Variants in KDELR3 observed in about 807,000 individuals in gnomAD.
KDELR3 encodes the protein KDEL endoplasmic reticulum protein retention receptor 3.
A neutral mutation model predicts 22.7 loss-of-function variants in KDELR3; 26 were observed. That is an observed-to-expected ratio of 1.15 (90% CI 0.84 to 1.59). The LOEUF is 1.59. Among genes scored for constraint, KDELR3 ranks in the 40% most tolerant of loss-of-function variants. The pLI is 0.00. For missense variants in KDELR3, 289 were observed against 251.1 expected (o/e 1.15, Z -1.02); for synonymous variants, 120 against 98.2 (o/e 1.22, Z -1.31).
intron 1 of KDELR3, among the ~76,000 whole-genome samples, chr22:38,469,256 G>A (rs911164180): frequency 1.3e-5 from 2 of 152,228 alleles, no homozygotes; most frequent in Non-Finnish European, 2.9e-5. Flanking sequence ...GGGAAGGGTG[G>A]GCAGCCAGAT....
At chr22:38,474,424 A>G in intron 1 of KDELR3, 99 bp from the exon 2 acceptor site, 1 of 876,724 alleles carries the variant, frequency 1.1e-6, no homozygotes, top group Non-Finnish European at 1.8e-6. Flanking sequence ...GGGAGTGGAC[A>G]CTCTAGAGGC....
At chr22:38,475,585 C>T (rs2089552340) in intron 2 of KDELR3, among the ~76,000 whole-genome samples, 1 of 152,224 alleles carries the variant, frequency 6.6e-6, no homozygotes, top group Non-Finnish European at 1.5e-5. Flanking sequence ...AGCTTAGTGA[C>T]AACAAGGAAC....
At position 38,479,739 on chromosome 22, in the gene KDELR3, C is replaced by T. The variant is rs1254363795; in HGVS notation, c.339C>T (p.Phe113=). Residue 113 remains phenylalanine (F), a synonymous_variant, in exon 3 of 5, where the codon TTC becomes TTT. Coordinates refer to ENST00000216014, the MANE Select transcript of KDELR3 (RefSeq NM_006855.4). The stretch of plus-strand genomic sequence containing the variant: ...TTTCCTTCCTTGAAAACTACAGTTT[C>T]ACTCTGCTGGAGGTAAGGGAATGGA... ...IGLSFLENYS[F]TLLEILWTFS... is the part of the protein sequence containing the mutation. 2 of 1,614,190 alleles carry T rather than the reference C, an allele frequency of 1.2e-6. No homozygotes were observed. Among genetic ancestry groups the T allele is most frequent in the Non-Finnish European group, 1.7e-6 (2 of 1,180,028 alleles).
rs780968105 is a variant in KDELR3 at position 38,474,576 on chromosome 22, C to G, written c.145C>G (p.Leu49Val). ...TGCTCTCGTCTTCACCACCAGGTACCTGGACCTGTTCACCAACTTCATCTC... is the reference window on the plus strand; with the variant it reads ...TGCTCTCGTCTTCACCACCAGGTACGTGGACCTGTTCACCAACTTCATCTC... ...LFALVFTTRY[L>V]DLFTNFISIY... Residue 49 changes from leucine (L) to valine (V), a missense_variant, in exon 2 of 5, where the codon CTG (leucine) becomes GTG (valine). Coordinates refer to ENST00000216014, the MANE Select transcript of KDELR3 (RefSeq NM_006855.4). 3.7e-6 allele frequency: 6 copies of G among 1,613,946 alleles called. No homozygotes were observed. The African/African-American group carries it at 8.0e-5, about 22-fold the overall frequency.
intron 3 of KDELR3, 84 bp downstream of exon 3, chr22:38,479,835 C>T: frequency 7.9e-7 from 1 of 1,270,574 alleles, no homozygotes; most frequent in Non-Finnish European, 1.1e-6. Context: ...TTGCCTTCTG[C>T]TTACAACTGT....
chr22:38,468,379 C>G, intron 1 of KDELR3, 55 bp downstream of exon 1: 1 of 1,549,404 alleles, frequency 6.5e-7, no homozygotes, highest in South Asian at 1.1e-5. Context: ...AGCCTCATGC[C>G]CCTGCGTGCA....
chr22:38,481,204 T>C lies in KDELR3; in HGVS notation c.352-8T>C, dbSNP rs781049581. On this transcript the variant is annotated splice_polypyrimidine_tract_variant and splice_region_variant and intron_variant, in intron 3 of 4. Transcript: ENST00000216014. ...GCTCAGTCTCTGGTTGCTTTCTCTT[T>C]GGCTCAGATCCTCTGGACTTTCTCT... 6.2e-7 allele frequency: 1 copy of C among 1,609,344 alleles called. No individual in the cohort carries two copies. The highest frequency in any genetic ancestry group is 1.1e-5 in the South Asian group (1 of 90,562).
At chr22:38,478,593 A>T (rs1193595817) in intron 2 of KDELR3, among the ~76,000 whole-genome samples, 1 of 139,570 alleles carries the variant, frequency 7.2e-6, no homozygotes, top group African/African-American at 2.6e-5. Flanking sequence ...TATGAAATCA[A>T]AAGCTCTTGG....
chr22:38,480,701 C>T (rs1042448110), intron 3 of KDELR3, among the ~76,000 whole-genome samples: 9 of 151,814 alleles, frequency 5.9e-5, no homozygotes, highest in African/African-American at 1.7e-4. Context: ...TGCAGTGAGC[C>T]GAGATCGCAC....
intron 4 of KDELR3, among the ~76,000 whole-genome samples, chr22:38,482,201 A>C (rs895563712): frequency 6.6e-6 from 1 of 152,300 alleles, no homozygotes; most frequent in South Asian, 2.1e-4. Context: ...AGGTAGAAAG[A>C]CATGTGGACA....
chr22:38,470,185 G>A (rs866191750), intron 1 of KDELR3, among the ~76,000 whole-genome samples: 4 of 150,532 alleles, frequency 2.7e-5, no homozygotes, highest in Non-Finnish European at 3.0e-5. Context: ...GTGCAGTGGC[G>A]CAATCTCGGC....
intron 2 of KDELR3, among the ~76,000 whole-genome samples, chr22:38,474,868 G>A (rs557072333): frequency 6.6e-6 from 1 of 151,672 alleles, no homozygotes; most frequent in African/African-American, 2.4e-5. Context: ...AGGCCGAGTC[G>A]GGCGGATGGA....
chr22:38,481,440 T>A lies in KDELR3; in HGVS notation c.580T>A (p.Phe194Ile), dbSNP rs752571011. ...GVVQTIFYCDFFYLYVTKVLK... is the reference protein window; with the variant it reads ...GVVQTIFYCDIFYLYVTKVLK... The stretch of plus-strand genomic sequence containing the variant: ...AGTACAAACCATCTTCTACTGTGAC[T>A]TCTTCTACTTGTATGTGACCAAAGG... Residue 194 changes from phenylalanine to isoleucine, a missense_variant, in exon 4 of 5, where the codon TTC becomes ATC. Transcript: ENST00000216014. The A allele has an allele frequency of 8.7e-6, 14 of 1,614,110 alleles. No homozygotes were observed. The highest frequency in any genetic ancestry group is 1.2e-5 in the Non-Finnish European group (14 of 1,179,966).
At chr22:38,472,834 GGGTTAC>G (rs1477296217) in intron 1 of KDELR3, among the ~76,000 whole-genome samples, 121 of 152,194 alleles carry the variant, frequency 8.0e-4, no homozygotes, top group African/African-American at 2.9e-3. Context: ...CAAGTAGCTG[GGGTTAC>G]AGGCATGAGC....
At position 38,482,541 on chromosome 22, in the gene KDELR3, C is replaced by T. The variant is rs1413459509; in HGVS notation, c.*5C>T. 6.2e-7 allele frequency: 1 copy of T among 1,610,032 alleles called. No individual in the cohort carries two copies. Among genetic ancestry groups the T allele is most frequent in the Non-Finnish European group, 8.5e-7 (1 of 1,176,332 alleles). Reference sequence around the variant, plus strand: ...AGTCTTCCAATGCCAATCTGAGGACCTTCAGAGACAGTCTACGCCTTAACA... The same window carrying T: ...AGTCTTCCAATGCCAATCTGAGGACTTTCAGAGACAGTCTACGCCTTAACA... On this transcript the variant is annotated 3_prime_UTR_variant, in exon 5 of 5. Coordinates refer to ENST00000216014, the MANE Select transcript of KDELR3 (RefSeq NM_006855.4).
intron 3 of KDELR3, 72 bp from the exon 4 acceptor site, chr22:38,481,140 G>A: frequency 7.6e-7 from 1 of 1,324,216 alleles, no homozygotes; most frequent in Middle Eastern, 2.4e-4. Flanking sequence ...TATTGTTTTA[G>A]TAATTATGTT....
At chr22:38,474,373 C>T in intron 1 of KDELR3, 150 bp from the exon 2 acceptor site, 1 of 599,202 alleles carries the variant, frequency 1.7e-6, no homozygotes, top group Admixed American at 3.0e-5. Context: ...GTTTCCTGGC[C>T]CTTAGGGAGC....
chr22:38,472,274 C>T (rs1182175799), intron 1 of KDELR3, among the ~76,000 whole-genome samples: 1 of 152,152 alleles, frequency 6.6e-6, no homozygotes, highest in East Asian at 1.9e-4. Context: ...GTCAGGAGTT[C>T]GAGACCAGCC....
chr22:38,481,577 G>C, intron 4 of KDELR3, 113 bp downstream of exon 4: 1 of 1,549,456 alleles, frequency 6.5e-7, no homozygotes, highest in East Asian at 2.3e-5. Context: ...CATCCACAAT[G>C]CTTGTGTTCT....
Sources: gnomAD v4.1 joint callset for allele counts (sites outside exome capture counted in the v4.1 genomes callset) on GRCh38, gnomAD v4.1.1 for gene constraint, MANE v1.5 for transcripts, NCBI Gene and HGNC (gene_info 2026-07-23, HGNC 2026-07-21) for gene names.